RNGTT: variants seen among roughly 807,000 people sequenced by gnomAD.
RNGTT encodes mRNA-capping enzyme.
RNGTT carries 33 observed loss-of-function variants against 79.3 expected under a neutral mutation model. The ratio of observed to expected loss-of-function variants is 0.42; its 90% CI spans 0.32 to 0.56. RNGTT has a LOEUF of 0.56. RNGTT is among the 20% of genes least tolerant of loss of function. The probability of loss-of-function intolerance (pLI) is 0.17; values close to 1 mark genes in which losing one functional copy is unlikely to be tolerated. For missense variants in RNGTT, 497 were observed against 739.1 expected, an observed-to-expected ratio of 0.67 and a Z score of 3.80; for synonymous variants, 222 against 235.9, an observed-to-expected ratio of 0.94 and a Z score of 0.54.
Position 88,728,584 on chromosome 6 carries a change from A to G in RNGTT, c.1439+41190T>C, listed in dbSNP as rs116184394. ...CTGTAAGCTAAACCAGTGTAATCCT[A>G]TACAGGTTATTATCTTAAACCCTCA... On this transcript the variant is annotated intron_variant, in intron 13 of 15. Coordinates refer to ENST00000369485, the MANE Select transcript of RNGTT (RefSeq NM_003800.5). Among the ~76,000 whole-genome samples, 1,330 of 152,342 alleles carry G rather than the reference A, an allele frequency of 8.7e-3. 19 individuals carry two copies. The highest frequency in any genetic ancestry group is 0.03 in the African/African-American group (1,249 of 41,562).
intron 13 of RNGTT, among the ~76,000 whole-genome samples, chr6:88,684,470 T>C (rs1420700461): frequency 6.6e-6 from 1 of 152,170 alleles, no homozygotes; most frequent in Admixed American, 6.6e-5. Context: ...TTGCCAAAAC[T>C]TGGAAGCAAC....
intron 8 of RNGTT, among the ~76,000 whole-genome samples, chr6:88,871,498 T>C (rs903661048): frequency 6.6e-6 from 1 of 152,106 alleles, no homozygotes; most frequent in Non-Finnish European, 1.5e-5. Context: ...TTACAACAAA[T>C]AGAATATGGC....
intron 6 of RNGTT, among the ~76,000 whole-genome samples, chr6:88,902,688 A>ATT (rs1235480770): frequency 7.3e-5 from 9 of 123,480 alleles, no homozygotes; most frequent in African/African-American, 3.1e-4. Context: ...GTATAGTGAA[A>ATT]TCTTTTTTTT....
intron 11 of RNGTT, among the ~76,000 whole-genome samples, chr6:88,803,740 T>C (rs1008401376): frequency 4.6e-5 from 7 of 152,022 alleles, no homozygotes; most frequent in African/African-American, 1.4e-4. Context: ...AGGTACATCA[T>C]TTATGGCAAG....
At chr6:88,723,565 CCA>C (rs1475982120) in intron 13 of RNGTT, among the ~76,000 whole-genome samples, 1 of 151,674 alleles carries the variant, frequency 6.6e-6, no homozygotes, top group East Asian at 1.9e-4. Flanking sequence ...GTCACCAGCC[CCA>C]GATAGTCACT....
intron 14 of RNGTT, among the ~76,000 whole-genome samples, chr6:88,647,529 T>A (rs975290039): frequency 6.6e-6 from 1 of 151,668 alleles, no homozygotes; most frequent in African/African-American, 2.4e-5. Flanking sequence ...GAGACCAGCC[T>A]GGGCAACATA....
intron 11 of RNGTT, among the ~76,000 whole-genome samples, chr6:88,829,556 C>A (rs957617138): frequency 1.3e-5 from 2 of 151,852 alleles, no homozygotes; most frequent in African/African-American, 4.8e-5. Flanking sequence ...GGGCTAAATG[C>A]CCCAAATAAA....
At chr6:88,642,043 G>A (rs985305073) in intron 14 of RNGTT, among the ~76,000 whole-genome samples, 2 of 152,148 alleles carry the variant, frequency 1.3e-5, no homozygotes, top group African/African-American at 4.8e-5. Context: ...GAGAGAGAGA[G>A]AGAGAGAAAA....
At chr6:88,800,074 G>T (rs2127861889) in intron 12 of RNGTT, among the ~76,000 whole-genome samples, 1 of 152,280 alleles carries the variant, frequency 6.6e-6, no homozygotes, top group African/African-American at 2.4e-5. Context: ...TTTGGCAAGG[G>T]GGGCTAGAAG....
intron 9 of RNGTT, 61 bp downstream of exon 9, chr6:88,853,568 A>T: frequency 8.7e-7 from 1 of 1,149,852 alleles, no homozygotes; most frequent in Non-Finnish European, 1.2e-6. Context: ...ATACACATTT[A>T]CTTACAAGGA....
chr6:88,682,064 T>C (rs1025446043), intron 13 of RNGTT, among the ~76,000 whole-genome samples: 8 of 152,154 alleles, frequency 5.3e-5, no homozygotes, highest in Admixed American at 1.3e-4. Flanking sequence ...TAAAAGAAAG[T>C]AGAACTTGTC....
At chr6:88,668,086 G>C (rs1345463961) in intron 14 of RNGTT, among the ~76,000 whole-genome samples, 1 of 152,126 alleles carries the variant, frequency 6.6e-6, no homozygotes, top group East Asian at 1.9e-4. Context: ...TTTCAGCTTG[G>C]GTAAATGAGA....
intron 13 of RNGTT, among the ~76,000 whole-genome samples, chr6:88,753,887 G>GT (rs1320646814): frequency 6.6e-6 from 1 of 151,986 alleles, no homozygotes; most frequent in Non-Finnish European, 1.5e-5. Flanking sequence ...GAAAGTACGG[G>GT]TTAAAAAGGC....
chr6:88,803,301 C>T (rs945851443), intron 11 of RNGTT, among the ~76,000 whole-genome samples: 3 of 151,964 alleles, frequency 2.0e-5, no homozygotes, highest in South Asian at 2.1e-4. Flanking sequence ...GTTGGCTGGG[C>T]ATGGTGGCTC....
At chr6:88,653,351 C>T (rs1324152308) in intron 14 of RNGTT, among the ~76,000 whole-genome samples, 1 of 152,118 alleles carries the variant, frequency 6.6e-6, no homozygotes, top group Non-Finnish European at 1.5e-5. Flanking sequence ...TTTTAAAAAA[C>T]ACTAGAATAT....
intron 13 of RNGTT, among the ~76,000 whole-genome samples, chr6:88,750,710 G>A (rs1257024278): frequency 6.6e-6 from 1 of 151,928 alleles, no homozygotes; most frequent in African/African-American, 2.4e-5. Context: ...CGAGTTCCAC[G>A]CCTTCTTTCA....
chr6:88,963,318 G>A (rs1264703426), intron 1 of RNGTT, 28 bp downstream of exon 1: 1 of 1,611,278 alleles, frequency 6.2e-7, no homozygotes, highest in African/African-American at 1.3e-5. Flanking sequence ...GGAGTGTGGG[G>A]ATTCGAACGC....
rs572372570 is a variant in RNGTT at position 88,779,998 on chromosome 6, A to T, written c.1339-10124T>A. Among the ~76,000 whole-genome samples, 32 of 151,792 alleles carry T rather than the reference A, an allele frequency of 2.1e-4. No homozygotes were observed. The South Asian group carries it at 2.3e-3, about 11-fold the overall frequency. ...AATAGGGTGAGACTCTGTCTCAAAT[A>T]AATAAATTAATTAATTAATCTAGAA... On this transcript the variant is annotated intron_variant, in intron 12 of 15. Coordinates refer to ENST00000369485, the MANE Select transcript of RNGTT (RefSeq NM_003800.5).
chr6:88,859,449 C>A (rs898982384), intron 8 of RNGTT, among the ~76,000 whole-genome samples: 14 of 152,086 alleles, frequency 9.2e-5, no homozygotes, highest in Admixed American at 2.6e-4. Flanking sequence ...AAGCTAGGAG[C>A]TTGGAAGAAA....
Sources: gnomAD v4.1 joint callset for allele counts (sites outside exome capture counted in the v4.1 genomes callset) on GRCh38, gnomAD v4.1.1 for gene constraint, MANE v1.5 for transcripts, NCBI Gene and HGNC (gene_info 2026-07-23, HGNC 2026-07-21) for gene names.